Variants in PTPRD observed in about 807,000 individuals in gnomAD.
PTPRD encodes protein tyrosine phosphatase receptor type D, also known as receptor-type tyrosine-protein phosphatase delta.
PTPRD carries 34 observed loss-of-function variants against 214.5 expected under a neutral mutation model. The observed-to-expected ratio is 0.16, with a 90% CI of 0.12 to 0.21. The LOEUF is 0.21. Ranked by LOEUF, PTPRD falls within the 10% of genes least tolerant of loss-of-function variation. The pLI is 1.00. For missense variants in PTPRD, 2,545 were observed against 2,398.7 expected (o/e 1.06, Z -1.27); for synonymous variants, 1,128 against 845.7 (o/e 1.33, Z -5.79).
At chr9:10,099,012 C>T (rs968898948) in intron 3 of PTPRD, among the ~76,000 whole-genome samples, 4 of 151,750 alleles carry the variant, frequency 2.6e-5, no homozygotes, top group African/African-American at 9.7e-5. Context: ...TTGACAATAT[C>T]ATCTTTTGGA....
chr9:10,217,341 G>A (rs1406610295), intron 3 of PTPRD, among the ~76,000 whole-genome samples: 1 of 151,560 alleles, frequency 6.6e-6, no homozygotes. Context: ...TAGCCTCTGA[G>A]ACCTGAAAGA....
chr9:8,572,616 G>T (rs1346897461), intron 14 of PTPRD, among the ~76,000 whole-genome samples: 3 of 151,982 alleles, frequency 2.0e-5, no homozygotes, highest in Non-Finnish European at 4.4e-5. Context: ...AATTCTTCAA[G>T]GGGAATTAGG....
At chr9:8,687,741 G>GT (rs34897285) in intron 12 of PTPRD, among the ~76,000 whole-genome samples, 1,599 of 145,630 alleles carry the variant, frequency 0.011, 19 homozygotes, top group African/African-American at 0.026. Flanking sequence ...TAAAATAAGA[G>GT]TTTTTTTTTT....
chr9:8,718,742 G>C (rs1184204261), intron 12 of PTPRD, among the ~76,000 whole-genome samples: 3 of 152,248 alleles, frequency 2.0e-5, no homozygotes, highest in East Asian at 1.9e-4. Context: ...TTTACTGCCA[G>C]GACAAGCTGA....
chr9:8,898,524 G>A (rs932962642), intron 11 of PTPRD, among the ~76,000 whole-genome samples: 1 of 152,098 alleles, frequency 6.6e-6, no homozygotes, highest in Non-Finnish European at 1.5e-5. Context: ...ATAATAATGA[G>A]TTAATAAAAG....
chr9:8,571,375 G>T (rs931292311), intron 14 of PTPRD, among the ~76,000 whole-genome samples: 1 of 151,976 alleles, frequency 6.6e-6, no homozygotes, highest in African/African-American at 2.4e-5. Context: ...CATCTAAATG[G>T]CAGCAAACTA....
intron 9 of PTPRD, among the ~76,000 whole-genome samples, chr9:9,274,828 C>T (rs1944342077): frequency 6.7e-6 from 1 of 149,520 alleles, no homozygotes; most frequent in South Asian, 2.1e-4. Context: ...GTCCACAGAA[C>T]ACTAGTCTTC....
intron 2 of PTPRD, among the ~76,000 whole-genome samples, chr9:10,481,969 C>T (rs2099100552): frequency 6.6e-6 from 1 of 151,884 alleles, no homozygotes; most frequent in Non-Finnish European, 1.5e-5. Flanking sequence ...AGACTTTATC[C>T]TCTCCAGACT....
chr9:8,353,811 A>G (rs2076157394), intron 39 of PTPRD, among the ~76,000 whole-genome samples: 1 of 80,732 alleles, frequency 1.2e-5, no homozygotes, highest in Non-Finnish European at 2.4e-5. Context: ...CTCCTTCTCA[A>G]AAAAAAATAT....
chr9:9,839,012 A>G lies in PTPRD; in HGVS notation c.-367-72161T>C, dbSNP rs901468042. ...CTAGCCAGTTTTCCCAGCACCATTT[A>G]TTAAATAGGGAATCCTTTCCCCATT... On this transcript the variant is annotated intron_variant, in intron 5 of 45. Transcript: ENST00000381196. 1.1e-4 allele frequency among the ~76,000 whole-genome samples: 16 copies of G among 152,222 alleles called. No homozygotes were observed. The East Asian group carries it at 1.4e-3, about 13-fold the overall frequency.
intron 10 of PTPRD, among the ~76,000 whole-genome samples, chr9:9,054,702 T>C (rs1477744922): frequency 6.6e-6 from 1 of 152,192 alleles, no homozygotes; most frequent in Non-Finnish European, 1.5e-5. Flanking sequence ...TAAACAAACA[T>C]TCATTGATCA....
intron 3 of PTPRD, among the ~76,000 whole-genome samples, chr9:10,221,788 T>A (rs907344670): frequency 6.6e-6 from 1 of 151,984 alleles, no homozygotes; most frequent in Non-Finnish European, 1.5e-5. Flanking sequence ...AAAAACTGTT[T>A]TTTTTTTCCA....
chr9:8,625,202 T>C (rs746804469), intron 14 of PTPRD, among the ~76,000 whole-genome samples: 3 of 151,838 alleles, frequency 2.0e-5, no homozygotes, highest in Non-Finnish European at 4.4e-5. Context: ...ACACACTATA[T>C]ATATATATAC....
At chr9:8,997,765 C>T (rs2099402528) in intron 11 of PTPRD, among the ~76,000 whole-genome samples, 1 of 152,184 alleles carries the variant, frequency 6.6e-6, no homozygotes, top group East Asian at 1.9e-4. Flanking sequence ...ATCTAGGCCT[C>T]TTGTGCCAAA....
At chr9:9,152,443 A>C (rs1569554837) in intron 10 of PTPRD, among the ~76,000 whole-genome samples, 1 of 152,174 alleles carries the variant, frequency 6.6e-6, no homozygotes, top group Non-Finnish European at 1.5e-5. Flanking sequence ...TTAAGTCTCA[A>C]GGGGGAAATT....
At chr9:10,156,591 A>G (rs1263226759) in intron 3 of PTPRD, among the ~76,000 whole-genome samples, 1 of 152,156 alleles carries the variant, frequency 6.6e-6, no homozygotes, top group Non-Finnish European at 1.5e-5. Flanking sequence ...CCCTGTGGCA[A>G]TGAGAACAGT....
chr9:8,909,380 A>G (rs1488563141), intron 11 of PTPRD, among the ~76,000 whole-genome samples: 1 of 152,182 alleles, frequency 6.6e-6, no homozygotes, highest in Non-Finnish European at 1.5e-5. Flanking sequence ...AGCAACCTAA[A>G]TCTACCCACA....
At chr9:10,149,890 C>A (rs1214092050) in intron 3 of PTPRD, among the ~76,000 whole-genome samples, 1 of 151,982 alleles carries the variant, frequency 6.6e-6, no homozygotes, top group Non-Finnish European at 1.5e-5. Context: ...GCCACAACAC[C>A]CAGCTAATTT....
intron 14 of PTPRD, among the ~76,000 whole-genome samples, chr9:8,616,069 G>T (rs117730019): frequency 6.6e-6 from 1 of 152,042 alleles, no homozygotes; most frequent in South Asian, 2.1e-4. Context: ...TTTTATAAAG[G>T]AGAGTTAGCT....
Sources: allele counts gnomAD v4.1 joint callset (sites outside exome capture counted in the v4.1 genomes callset), GRCh38; gene constraint gnomAD v4.1.1; transcripts MANE v1.5; gene names NCBI Gene and HGNC (gene_info 2026-07-23, HGNC 2026-07-21).